The following STK3 variants were observed in gnomAD, a reference collection of about 807,000 sequenced individuals.
The protein encoded by STK3 is serine/threonine-protein kinase 3.
In STK3, 41 loss-of-function variants were observed where a neutral mutation model predicts 58.0. The ratio of observed to expected loss-of-function variants is 0.71; its 90% CI spans 0.55 to 0.92. The LOEUF (loss-of-function observed/expected upper bound fraction) is 0.92, where lower values mean the gene tolerates loss of function less well. Among genes scored for constraint, STK3 ranks in the 40% least tolerant of loss-of-function variants. STK3 has a pLI of 0.00. For missense variants in STK3, 479 were observed against 602.7 expected, an observed-to-expected ratio of 0.79 and a Z score of 2.15; for synonymous variants, 170 against 191.0, an observed-to-expected ratio of 0.89 and a Z score of 0.91.
At chr8:98,365,135 T>C in the STK3 span, among the ~76,000 whole-genome samples, 4 of 152,222 alleles carry the variant, frequency 2.6e-5, no homozygotes, top group Non-Finnish European at 4.4e-5. Flanking sequence ...GGGTGAATAT[T>C]ACCATACCGA....
intron 2 of STK3, 68 bp downstream of exon 2, chr8:98,774,671 T>C: frequency 8.9e-7 from 1 of 1,127,700 alleles, no homozygotes; most frequent in Non-Finnish European, 1.3e-6. Flanking sequence ...GTTGAAAGAT[T>C]AACATCATAT....
chr8:98,491,154 A>T (rs1447086842), intron 10 of STK3, among the ~76,000 whole-genome samples: 2 of 139,290 alleles, frequency 1.4e-5, no homozygotes, highest in African/African-American at 5.3e-5. Context: ...GCTTACACAA[A>T]ATAAACACGA....
chr8:98,359,344 TAA>T, the STK3 span, among the ~76,000 whole-genome samples: 1,889 of 55,578 alleles, frequency 0.034, 58 homozygotes, highest in African/African-American at 0.12. Context: ...CCATCTCAAC[TAA>T]AAAAAAAAAA....
intron 6 of STK3, among the ~76,000 whole-genome samples, chr8:98,680,780 A>C (rs768051130): frequency 2.8e-4 from 42 of 152,238 alleles, no homozygotes; most frequent in Non-Finnish European, 2.9e-5. Context: ...TTTAAGATCC[A>C]GAGAACTAAA....
chr8:98,767,399 TC>T lies in STK3; in HGVS notation c.108-29del, dbSNP rs1831017622. 2.6e-6 allele frequency: 4 copies of T among 1,560,442 alleles called. No individual in the cohort carries two copies. In the South Asian group the frequency reaches 4.9e-5, roughly 19 times the overall value. On this transcript the variant is annotated intron_variant, in intron 2 of 10. Transcript: ENST00000419617. ...AAAAGAAACCAAGACATTATTTTTT[TC>T]CTATCAAACATCGTAACTATAAGAT...
At chr8:98,877,806 G>GA in intron 3 of STK3, among the ~76,000 whole-genome samples, 1 of 151,928 alleles carries the variant, frequency 6.6e-6, no homozygotes, top group East Asian at 1.9e-4. Flanking sequence ...TTTTGTGAGG[G>GA]AAAAAAACTT....
chr8:98,760,771 C>A (rs553470273), intron 3 of STK3, among the ~76,000 whole-genome samples: 9 of 151,864 alleles, frequency 5.9e-5, no homozygotes, highest in Non-Finnish European at 1.3e-4. Context: ...CTAATGATCA[C>A]ATCCTTTCCA....
Position 98,548,035 on chromosome 8 carries a change from C to T in STK3, c.1075G>A (p.Glu359Lys), listed in dbSNP as rs1563727806. Residue 359 changes from glutamate (E) to lysine (K), a missense_variant, in exon 9 of 11, where the codon GAA becomes AAA. Physicochemically the swap from Glu to Lys is moderately conservative, Grantham distance 56. This residue lies in a region of STK3 where 309 missense variants were observed against 355.7 expected (regional missense o/e 0.87). Transcript: ENST00000419617. ...TMIEHNSTML[E>K]SDLGTMVINS... ...ATCACCATGGTCCCCAAGTCGGATT[C>T]CAACATCGTGCTATTATGTTCAATC... is the stretch of plus-strand genomic sequence containing the variant. 1.9e-6 allele frequency: 3 copies of T among 1,610,646 alleles called. No individual in the cohort carries two copies. The highest frequency in any genetic ancestry group is 8.5e-7 in the Non-Finnish European group (1 of 1,178,442).
At chr8:98,894,416 C>G (rs1838374913) in intron 1 of STK3, among the ~76,000 whole-genome samples, 1 of 152,194 alleles carries the variant, frequency 6.6e-6, no homozygotes, top group South Asian at 2.1e-4. Context: ...AGTCACATGT[C>G]AGAAAACTCA....
At chr8:98,598,902 T>C in intron 6 of STK3, 2 of 985,444 alleles carry the variant, frequency 2.0e-6, no homozygotes, top group South Asian at 4.7e-5. Flanking sequence ...GCAAGAAATC[T>C]AGGTGCTTCA....
intron 10 of STK3, among the ~76,000 whole-genome samples, chr8:98,512,126 C>G (rs1209668164): frequency 6.6e-6 from 1 of 151,926 alleles, no homozygotes; most frequent in Admixed American, 6.6e-5. Flanking sequence ...CCCTCCTCCC[C>G]CCACCACACA....
rs183128702 is a variant in STK3 at position 98,575,223 on chromosome 8, C to T, written c.948+4441G>A. On this transcript the variant is annotated intron_variant, in intron 8 of 10. Coordinates refer to ENST00000419617, the MANE Select transcript of STK3 (RefSeq NM_006281.4). ...ATGGGCAAGGAATGTAAATAAGGTG[C>T]GGCCAGAGGATAGTCTGAGCCAGTT... Among the ~76,000 whole-genome samples, 24 of 152,110 alleles carry T rather than the reference C, an allele frequency of 1.6e-4. No individual in the cohort carries two copies. In the East Asian group the frequency reaches 3.9e-3, roughly 24 times the overall value.
At chr8:98,716,155 C>G (rs1435732504) in intron 4 of STK3, among the ~76,000 whole-genome samples, 3 of 151,960 alleles carry the variant, frequency 2.0e-5, no homozygotes, top group East Asian at 1.9e-4. Flanking sequence ...GAGTGGGGAG[C>G]GATAGCATTA....
chr8:98,858,766 C>T (rs965841075), intron 3 of STK3, among the ~76,000 whole-genome samples: 1 of 151,822 alleles, frequency 6.6e-6, no homozygotes, highest in Non-Finnish European at 1.5e-5. Context: ...GTGGTGCATG[C>T]CTGTAGTCCC....
intron 10 of STK3, among the ~76,000 whole-genome samples, chr8:98,492,504 G>A (rs1822777645): frequency 6.6e-6 from 1 of 152,130 alleles, no homozygotes; most frequent in Admixed American, 6.6e-5. Context: ...ATGCAAATAT[G>A]CTGAAGATAG....
At chr8:98,838,783 CCCAAATAACTTCT>C (rs1835846017) in intron 3 of STK3, among the ~76,000 whole-genome samples, 3 of 152,102 alleles carry the variant, frequency 2.0e-5, no homozygotes, top group African/African-American at 4.8e-5. Flanking sequence ...TGAAAACCTG[CCCAAATAACTTCT>C]CCAAATAACT....
intron 1 of STK3, among the ~76,000 whole-genome samples, chr8:98,928,675 C>A (rs542943774): frequency 5.9e-5 from 9 of 152,266 alleles, no homozygotes; most frequent in Middle Eastern, 3.4e-3. Context: ...TAACCAAGCA[C>A]CATTCTTTTC....
At chr8:98,405,570 G>A (rs576657119) in intron 3 of STK3, among the ~76,000 whole-genome samples, 1 of 152,244 alleles carries the variant, frequency 6.6e-6, no homozygotes, top group African/African-American at 2.4e-5. Flanking sequence ...GAACCTAGAC[G>A]CCTCAGAGCC....
Position 98,711,229 on chromosome 8 carries a change from TCTC to T in STK3, c.352-3921_352-3919del, listed in dbSNP as rs536588803. On this transcript the variant is annotated intron_variant, in intron 4 of 10. Transcript: ENST00000419617. ...TGGAAACTCTAAAAATAAGAGTGCC[TCTC>T]CTCCTCCAAAGGAACACAGCTCCTC... is the stretch of plus-strand genomic sequence containing the variant. 6.8e-3 allele frequency among the ~76,000 whole-genome samples: 1,035 copies of T among 151,860 alleles called. 8 individuals carry two copies. The highest frequency in any genetic ancestry group is 0.023 in the African/African-American group (970 of 41,384).
Sources: allele counts gnomAD v4.1 joint callset (sites outside exome capture counted in the v4.1 genomes callset), GRCh38; gene constraint gnomAD v4.1.1; regional missense constraint gnomAD v4.1.1; transcripts MANE v1.5; gene names NCBI Gene and HGNC (gene_info 2026-07-23, HGNC 2026-07-21).